IL1RAPL1: variants seen among roughly 807,000 people sequenced by gnomAD.
The protein encoded by IL1RAPL1 is interleukin 1 receptor accessory protein like 1, also known as interleukin-1 receptor accessory protein-like 1.
Under a neutral mutation model 48.4 loss-of-function variants are expected in IL1RAPL1, and 3 were observed. That is an observed-to-expected ratio of 0.06 (90% confidence interval 0.03 to 0.16). The LOEUF (loss-of-function observed/expected upper bound fraction) is 0.16, where lower values mean the gene tolerates loss of function less well. Ranked by LOEUF, IL1RAPL1 falls within the 10% of genes least tolerant of loss-of-function variation. IL1RAPL1 has a pLI of 1.00. For synonymous variants in IL1RAPL1, 185 were observed against 187.7 expected (o/e 0.99, Z 0.12); for missense variants, 349 against 530.6 (o/e 0.66, Z 3.36).
chrX:28,983,514 G>C (rs182711526), intron 2 of IL1RAPL1, among the ~76,000 whole-genome samples: 28 of 112,135 alleles, frequency 2.5e-4, no homozygotes, highest in Non-Finnish European at 3.6e-4. Context: ...CATGAGCCTA[G>C]GAACAATGTA....
chrX:29,001,592 TA>T (rs1925853719), intron 2 of IL1RAPL1, among the ~76,000 whole-genome samples: 1 of 112,364 alleles, frequency 8.9e-6, no homozygotes, highest in Non-Finnish European at 1.9e-5. Flanking sequence ...TTTTCACATT[TA>T]AATATAATCT....
At chrX:29,507,964 T>C (rs1935353946) in intron 5 of IL1RAPL1, among the ~76,000 whole-genome samples, 1 of 111,909 alleles carries the variant, frequency 8.9e-6, no homozygotes, top group African/African-American at 3.3e-5. Context: ...GTAAACTCTA[T>C]AGTATGTACT....
chrX:29,891,678 C>A (rs1932277502), intron 6 of IL1RAPL1, among the ~76,000 whole-genome samples: 1 of 111,471 alleles, frequency 9.0e-6, no homozygotes, highest in Non-Finnish European at 1.9e-5. Context: ...CTTTGCTTAA[C>A]AGTTTGAGTT....
At chrX:29,585,991 C>T (rs1664873785) in intron 5 of IL1RAPL1, among the ~76,000 whole-genome samples, 1 of 111,319 alleles carries the variant, frequency 9.0e-6, no homozygotes, top group East Asian at 2.8e-4. Flanking sequence ...CTATAAGTTG[C>T]CTCTTCATTC....
chrX:29,754,104 G>C (rs141130838), intron 6 of IL1RAPL1, among the ~76,000 whole-genome samples: 8,435 of 110,750 alleles, frequency 0.076, 290 homozygotes, highest in Middle Eastern at 0.25. Flanking sequence ...CATTTTATGT[G>C]CTGTTCTGGA....
intron 9 of IL1RAPL1, among the ~76,000 whole-genome samples, chrX:29,943,022 G>A (rs1314067501): frequency 9.0e-6 from 1 of 110,836 alleles, no homozygotes; most frequent in Non-Finnish European, 1.9e-5. Flanking sequence ...CGTTTCCAGG[G>A]TCCTCTGGAA....
At chrX:29,159,203 A>G (rs1203584423) in intron 2 of IL1RAPL1, among the ~76,000 whole-genome samples, 1 of 110,592 alleles carries the variant, frequency 9.0e-6, no homozygotes, top group Non-Finnish European at 1.9e-5. Flanking sequence ...CCATTTACAG[A>G]TAAGGTAGAA....
intron 1 of IL1RAPL1, among the ~76,000 whole-genome samples, chrX:28,658,340 C>T (rs1209179529): frequency 8.9e-6 from 1 of 111,848 alleles, no homozygotes; most frequent in East Asian, 2.8e-4. Context: ...GCCTCAGCCT[C>T]CTGAGTAGCT....
At chrX:29,262,877 C>T (rs1931885408) in intron 2 of IL1RAPL1, among the ~76,000 whole-genome samples, 1 of 110,595 alleles carries the variant, frequency 9.0e-6, no homozygotes, top group Non-Finnish European at 1.9e-5. Flanking sequence ...GGAATATAAC[C>T]TAGATTAACT....
At chrX:29,477,477 C>T (rs944516316) in intron 5 of IL1RAPL1, among the ~76,000 whole-genome samples, 4 of 112,018 alleles carry the variant, frequency 3.6e-5, no homozygotes, top group Non-Finnish European at 7.5e-5. Context: ...CGTAAGCACA[C>T]TCCATCTTCC....
chrX:29,840,539 A>G (rs1931116021), intron 6 of IL1RAPL1, among the ~76,000 whole-genome samples: 1 of 112,270 alleles, frequency 8.9e-6, no homozygotes, highest in African/African-American at 3.2e-5. Context: ...TTTCACCAAA[A>G]TACACTTCTA....
chrX:29,848,052 G>A (rs777970410), intron 6 of IL1RAPL1, among the ~76,000 whole-genome samples: 175 of 110,903 alleles, frequency 1.6e-3, no homozygotes, highest in African/African-American at 5.3e-3. Context: ...TTCTCAAATA[G>A]AAGAGTTCAA....
intron 2 of IL1RAPL1, among the ~76,000 whole-genome samples, chrX:29,081,161 C>T (rs1356362338): frequency 9.5e-6 from 1 of 105,095 alleles, no homozygotes; most frequent in Non-Finnish European, 1.9e-5. Flanking sequence ...TCAAGCGATT[C>T]TCCTGCCTCG....
At chrX:28,628,257 TC>T (rs1250225537) in intron 1 of IL1RAPL1, among the ~76,000 whole-genome samples, 35 of 112,048 alleles carry the variant, frequency 3.1e-4, no homozygotes, top group African/African-American at 9.4e-4. Context: ...TCTGCTGCAA[TC>T]TATTAACCAA....
intron 3 of IL1RAPL1, among the ~76,000 whole-genome samples, chrX:29,301,049 C>A: frequency 8.9e-6 from 1 of 112,074 alleles, no homozygotes. Context: ...AATTTCTGAT[C>A]TTAAAGTCAA....
intron 1 of IL1RAPL1, among the ~76,000 whole-genome samples, chrX:28,741,698 A>G (rs377606844): frequency 1.8e-5 from 2 of 110,408 alleles, no homozygotes; most frequent in East Asian, 5.7e-4. Flanking sequence ...ATCAAATCTA[A>G]TCTCACCTGA....
intron 2 of IL1RAPL1, among the ~76,000 whole-genome samples, chrX:29,264,290 T>C (rs1320334393): frequency 8.9e-6 from 1 of 111,763 alleles, no homozygotes; most frequent in Non-Finnish European, 1.9e-5. Flanking sequence ...TTCCTTCTTT[T>C]GTGAATTTTT....
chrX:29,174,990 C>T (rs1338547854), intron 2 of IL1RAPL1, among the ~76,000 whole-genome samples: 4 of 104,001 alleles, frequency 3.8e-5, no homozygotes, highest in South Asian at 4.3e-4. Context: ...AGGGGAATGG[C>T]GTGAACCCGG....
intron 5 of IL1RAPL1, among the ~76,000 whole-genome samples, chrX:29,630,540 A>G (rs1288616158): frequency 6.8e-5 from 6 of 88,707 alleles, no homozygotes; most frequent in Non-Finnish European, 1.3e-4. Flanking sequence ...GTTTCTCCAG[A>G]CTTTTTTTTT....
Sources: allele counts gnomAD v4.1 joint callset (sites outside exome capture counted in the v4.1 genomes callset), GRCh38; gene constraint gnomAD v4.1.1; transcripts MANE v1.5; gene names NCBI Gene and HGNC (gene_info 2026-07-23, HGNC 2026-07-21).